The following SPECC1 variants were observed in gnomAD, a reference collection of about 807,000 sequenced individuals.
The protein encoded by SPECC1 is cytospin-B.
SPECC1 carries 62 observed loss-of-function variants against 104.1 expected under a neutral mutation model. The observed-to-expected ratio is 0.60, with a 90% CI of 0.49 to 0.74. The LOEUF is 0.74. Among genes scored for constraint, SPECC1 ranks in the 30% least tolerant of loss-of-function variants. SPECC1 has a pLI of 0.00. For missense variants in SPECC1, 1,306 were observed against 1,310.5 expected, an observed-to-expected ratio of 1.00 and a Z score of 0.05; for synonymous variants, 513 against 501.6, an observed-to-expected ratio of 1.02 and a Z score of -0.30.
chr17:20,122,946 T>G (rs1311789732), intron 3 of SPECC1, among the ~76,000 whole-genome samples: 1 of 152,228 alleles, frequency 6.6e-6, no homozygotes, highest in Non-Finnish European at 1.5e-5. Context: ...TGTACACAGG[T>G]GTACAGATAT....
At chr17:20,188,663 A>G (rs1454491900) in intron 3 of SPECC1, among the ~76,000 whole-genome samples, 1 of 152,212 alleles carries the variant, frequency 6.6e-6, no homozygotes, top group Non-Finnish European at 1.5e-5. Context: ...AAATAACAAT[A>G]ATAATACTTT....
chr17:20,097,598 G>A (rs1031529244), intron 2 of SPECC1, among the ~76,000 whole-genome samples: 11 of 152,190 alleles, frequency 7.2e-5, no homozygotes, highest in African/African-American at 2.7e-4. Context: ...CAGAAGGAGT[G>A]ACGGGATTGT....
At chr17:20,099,245 A>G (rs2047801756) in intron 2 of SPECC1, among the ~76,000 whole-genome samples, 1 of 152,178 alleles carries the variant, frequency 6.6e-6, no homozygotes, top group African/African-American at 2.4e-5. Flanking sequence ...AGCACACTTT[A>G]AACTTAGATT....
At chr17:20,194,502 A>ATTATTATTATTATTTTTTTTTTTTTT in intron 3 of SPECC1, among the ~76,000 whole-genome samples, 1 of 86,566 alleles carries the variant, frequency 1.2e-5, no homozygotes, top group Admixed American at 1.4e-4. Flanking sequence ...AAGAGAACGA[A>ATTATTATTATTATTTTTTTTTTTTTT]TTTTTTTTTT....
chr17:20,162,111 C>T (rs1253658649), intron 3 of SPECC1, among the ~76,000 whole-genome samples: 2 of 151,584 alleles, frequency 1.3e-5, no homozygotes, highest in East Asian at 3.9e-4. Context: ...TCTGTCACTT[C>T]TGCCCTCAGA....
At chr17:20,117,930 C>T (rs1303700630) in intron 3 of SPECC1, among the ~76,000 whole-genome samples, 1 of 151,466 alleles carries the variant, frequency 6.6e-6, no homozygotes, top group Non-Finnish European at 1.5e-5. Flanking sequence ...AATGGTGAAA[C>T]CCTGTCTGTA....
At chr17:20,271,003 A>G (rs535626640) in intron 12 of SPECC1, among the ~76,000 whole-genome samples, 3 of 152,292 alleles carry the variant, frequency 2.0e-5, no homozygotes, top group African/African-American at 7.2e-5. Context: ...TTACTACTAC[A>G]GTTGCTTTGC....
At chr17:20,264,936 T>G (rs1234918071) in intron 12 of SPECC1, among the ~76,000 whole-genome samples, 1 of 152,208 alleles carries the variant, frequency 6.6e-6, no homozygotes, top group Non-Finnish European at 1.5e-5. Context: ...ATCCATGTTT[T>G]TGTTCTTTTA....
intron 3 of SPECC1, among the ~76,000 whole-genome samples, chr17:20,150,357 T>C (rs2031890972): frequency 6.6e-6 from 1 of 150,986 alleles, no homozygotes; most frequent in Non-Finnish European, 1.5e-5. Flanking sequence ...TGATTTTTTC[T>C]GCCTCAGCCT....
At chr17:20,245,181 AGAATTGTTGGGAAGGCTGAGC>A (rs1187261771) in intron 7 of SPECC1, among the ~76,000 whole-genome samples, 2 of 152,208 alleles carry the variant, frequency 1.3e-5, no homozygotes, top group Non-Finnish European at 1.5e-5. Flanking sequence ...AATGGTTTGC[AGAATTGTTGGGAAGGCTGAGC>A]TTCCAGGAGC....
intron 1 of SPECC1, chr17:20,057,800 T>C (rs528951389): frequency 6.6e-6 from 1 of 152,314 alleles, no homozygotes; most frequent in South Asian, 2.1e-4. Flanking sequence ...TCCAAGTGTT[T>C]CTATTTAGTT....
chr17:20,205,434 A>G lies in SPECC1; in HGVS notation c.1385A>G (p.Lys462Arg). ...GAAGAGCCCACCACTCAGGAAGGAA[A>G]AATTATTGAACTGGAGCAGAAGTGC... ...KNEEPTTQEG[K>R]IIELEQKCTG... The change falls in exon 4 of 15, where the codon AAA becomes AGA. Residue 462 changes from lysine (K) to arginine (R), a missense_variant. Physicochemically the swap from Lys to Arg is conservative, Grantham distance 26. Around this residue, in one of 2 missense-constraint regions of SPECC1, gnomAD observed 1,177 missense variants for 1,139.9 expected, o/e 1.03. Transcript: ENST00000395527. The G allele has an allele frequency of 4.3e-6, 7 of 1,614,092 alleles. No homozygotes were observed. Among genetic ancestry groups the G allele is most frequent in the Non-Finnish European group, 5.9e-6 (7 of 1,180,030 alleles).
intron 14 of SPECC1, among the ~76,000 whole-genome samples, chr17:20,309,993 A>ATT (rs199577528): frequency 2.7e-5 from 4 of 150,142 alleles, no homozygotes; most frequent in South Asian, 2.1e-4. Context: ...AATTTTTTGT[A>ATT]TTTTTTTTAG....
chr17:20,205,370 G>A lies in SPECC1; in HGVS notation c.1321G>A (p.Glu441Lys). ...GGCAGAGCAGCTAAGTCAAGAAAATGAGAAGCTGATGAATCTTTTACAAGA... is the reference window on the plus strand; with the variant it reads ...GGCAGAGCAGCTAAGTCAAGAAAATAAGAAGCTGATGAATCTTTTACAAGA... ...ERAEQLSQEN[E>K]KLMNLLQERV... Residue 441 changes from glutamate (E) to lysine (K), a missense_variant, in exon 4 of 15, where the codon GAG (glutamate) becomes AAG (lysine). Glu to Lys is a moderately conservative substitution (Grantham distance 56). Coordinates refer to ENST00000395527, the MANE Select transcript of SPECC1 (RefSeq NM_001243439.2). The A allele has an allele frequency of 6.2e-7, 1 of 1,613,714 alleles. No homozygotes were observed. The highest frequency in any genetic ancestry group is 8.5e-7 in the Non-Finnish European group (1 of 1,179,944).
At chr17:20,160,842 C>G (rs114926486) in intron 3 of SPECC1, among the ~76,000 whole-genome samples, 2,037 of 152,292 alleles carry the variant, frequency 0.013, 35 homozygotes, top group African/African-American at 0.046. Context: ...AGGAATTAAG[C>G]ACATTTTCCC....
intron 2 of SPECC1, among the ~76,000 whole-genome samples, chr17:20,101,842 A>G (rs2047959985): frequency 6.6e-6 from 1 of 152,224 alleles, no homozygotes; most frequent in Non-Finnish European, 1.5e-5. Context: ...GTCCAACCAT[A>G]ACATGTTATC....
chr17:20,263,173 G>A (rs1241116548), intron 12 of SPECC1, among the ~76,000 whole-genome samples: 3 of 150,386 alleles, frequency 2.0e-5, no homozygotes, highest in Non-Finnish European at 4.4e-5. Context: ...CAGCCCATCA[G>A]CCACGCTGCC....
chr17:20,010,375 G>T (rs977108356), intron 1 of SPECC1, among the ~76,000 whole-genome samples: 4 of 152,256 alleles, frequency 2.6e-5, no homozygotes, highest in Admixed American at 6.5e-5. Context: ...TGTTTTTTGA[G>T]TAAGGGCACA....
At position 20,054,042 on chromosome 17, in the gene SPECC1, T is replaced by G. The variant is rs926135485; in HGVS notation, c.-21-42589T>G. Among the ~76,000 whole-genome samples, 4 of 152,208 alleles carry G rather than the reference T, an allele frequency of 2.6e-5. No homozygotes were observed. The South Asian group carries it at 8.3e-4, about 32-fold the overall frequency. ...TATTTTCATCTAGGTATCTGTTGAT[T>G]CAGCCTGTTCTGATTTTTCTAGTCA... On this transcript the variant is annotated intron_variant, in intron 1 of 14. Coordinates refer to ENST00000395527, the MANE Select transcript of SPECC1 (RefSeq NM_001243439.2).
Sources: gnomAD v4.1 joint callset for allele counts (sites outside exome capture counted in the v4.1 genomes callset) on GRCh38, gnomAD v4.1.1 for gene constraint, gnomAD v4.1.1 regional missense constraint, MANE v1.5 for transcripts, NCBI Gene and HGNC (gene_info 2026-07-23, HGNC 2026-07-21) for gene names.